The following LAPTM4B variants were observed in gnomAD, a reference collection of about 807,000 sequenced individuals.
LAPTM4B encodes the protein lysosomal protein transmembrane 4 beta.
In LAPTM4B, 26 loss-of-function variants were observed where a neutral mutation model predicts 28.5. The observed-to-expected ratio is 0.91, with a 90% CI of 0.67 to 1.27. LAPTM4B has a LOEUF of 1.27. Ranked by LOEUF, LAPTM4B falls within the 50% of genes most tolerant of loss-of-function variation. The probability of loss-of-function intolerance (pLI) is 0.00; values close to 1 mark genes in which losing one functional copy is unlikely to be tolerated. For synonymous variants in LAPTM4B, 109 were observed against 106.4 expected, an observed-to-expected ratio of 1.02 and a Z score of -0.15; for missense variants, 288 against 285.8, an observed-to-expected ratio of 1.01 and a Z score of -0.06.
intron 1 of LAPTM4B, among the ~76,000 whole-genome samples, chr8:97,776,994 G>T (rs1006282591): frequency 1.3e-5 from 2 of 152,072 alleles, no homozygotes; most frequent in African/African-American, 4.8e-5. Flanking sequence ...CACCAGCACT[G>T]AGTCGGATTC....
Position 97,825,163 on chromosome 8 carries a change from A to G in LAPTM4B, c.603+10A>G. The G allele has an allele frequency of 2.2e-6, 3 of 1,368,590 alleles. No homozygotes were observed. The highest frequency in any genetic ancestry group is 3.1e-6 in the Non-Finnish European group (3 of 959,258). 84.8% of individuals were successfully genotyped at this position (1,368,590 alleles called of 1,614,324 possible). A position where few individuals can be genotyped will look rare whatever the true frequency, so the allele number is the denominator to read the frequency against. ...CAGCAATGACACTACGGTAGGTATG[A>G]TGTCACTTATGGTAGAGATCTCGCC... On this transcript the variant is annotated intron_variant, in intron 6 of 6. Coordinates refer to ENST00000521545, the MANE Select transcript of LAPTM4B (RefSeq NM_018407.6).
At chr8:97,805,516 C>T (rs772643637) in intron 2 of LAPTM4B, 52 bp downstream of exon 2, 15 of 946,976 alleles carry the variant, frequency 1.6e-5, no homozygotes, top group Non-Finnish European at 2.4e-5. Context: ...TGACTGCCAG[C>T]ACTTCCTATT....
intron 5 of LAPTM4B, among the ~76,000 whole-genome samples, chr8:97,824,571 C>T (rs1233619297): frequency 1.3e-5 from 2 of 152,048 alleles, no homozygotes; most frequent in African/African-American, 4.8e-5. Context: ...ATTTTATTGA[C>T]TGTGAGATAA....
intron 6 of LAPTM4B, among the ~76,000 whole-genome samples, chr8:97,846,459 C>T (rs1210607145): frequency 1.3e-5 from 2 of 151,990 alleles, no homozygotes; most frequent in African/African-American, 4.8e-5. Context: ...TCCCGAGTAG[C>T]TGGGATTACA....
intron 6 of LAPTM4B, among the ~76,000 whole-genome samples, chr8:97,834,936 G>C (rs560155007): frequency 6.6e-6 from 1 of 152,304 alleles, no homozygotes; most frequent in South Asian, 2.1e-4. Context: ...GCAGGGCTCT[G>C]CATGTTTAAA....
chr8:97,830,579 A>G (rs938926517), intron 6 of LAPTM4B, among the ~76,000 whole-genome samples: 9 of 152,178 alleles, frequency 5.9e-5, no homozygotes, highest in Admixed American at 2.6e-4. Context: ...CAGGAATGCG[A>G]GTAAGTTGAA....
chr8:97,787,859 G>A (rs1454328339), intron 1 of LAPTM4B, among the ~76,000 whole-genome samples: 1 of 151,876 alleles, frequency 6.6e-6, no homozygotes, highest in Non-Finnish European at 1.5e-5. Flanking sequence ...TTTAGACAGA[G>A]TCTCACTTTG....
At chr8:97,792,750 G>A (rs1303935393) in intron 1 of LAPTM4B, among the ~76,000 whole-genome samples, 1 of 151,660 alleles carries the variant, frequency 6.6e-6, no homozygotes, top group Non-Finnish European at 1.5e-5. Flanking sequence ...TGGCTGTTTT[G>A]TATTTTTAGT....
chr8:97,794,115 G>A (rs911488835), intron 1 of LAPTM4B, among the ~76,000 whole-genome samples: 12 of 152,046 alleles, frequency 7.9e-5, no homozygotes, highest in African/African-American at 2.9e-4. Flanking sequence ...AAGTAGCTGG[G>A]ATTACCAGCA....
At chr8:97,780,183 C>T (rs1284594837) in intron 1 of LAPTM4B, among the ~76,000 whole-genome samples, 3 of 151,714 alleles carry the variant, frequency 2.0e-5, no homozygotes, top group African/African-American at 4.8e-5. Context: ...CCAGCACTTT[C>T]GGAGACTGAG....
chr8:97,849,474 T>C (rs934804476), intron 6 of LAPTM4B, among the ~76,000 whole-genome samples: 1 of 152,246 alleles, frequency 6.6e-6, no homozygotes, highest in Non-Finnish European at 1.5e-5. Flanking sequence ...GAGTGTATCT[T>C]GCCTACTCCA....
intron 2 of LAPTM4B, among the ~76,000 whole-genome samples, chr8:97,809,145 G>A (rs966239331): frequency 1.3e-5 from 2 of 152,132 alleles, no homozygotes; most frequent in African/African-American, 4.8e-5. Flanking sequence ...TATCATGTCA[G>A]ATAGTTATTA....
chr8:97,809,309 G>A (rs978007862), intron 2 of LAPTM4B, among the ~76,000 whole-genome samples: 18 of 152,120 alleles, frequency 1.2e-4, no homozygotes, highest in Admixed American at 9.2e-4. Context: ...TTAATCTGAG[G>A]GGAAAGAAAG....
rs188779339 is a variant in LAPTM4B, at chr8:97,839,181, A to C, written c.604-12216A>C. Among the ~76,000 whole-genome samples, 108 of 152,122 alleles carry C rather than the reference A, an allele frequency of 7.1e-4. 3 individuals are homozygous for C. Among genetic ancestry groups the C allele is most frequent in the Non-Finnish European group, 4.7e-4 (32 of 67,992 alleles). On this transcript the variant is annotated intron_variant, in intron 6 of 6. Coordinates refer to ENST00000521545, the MANE Select transcript of LAPTM4B (RefSeq NM_018407.6). Reference sequence around the variant, plus strand: ...TTTCCTTCTGCATAATATTCTTCCAACAATTTTTTTTGTTTTGTTTTGTTT... The same window carrying C: ...TTTCCTTCTGCATAATATTCTTCCACCAATTTTTTTTGTTTTGTTTTGTTT...
chr8:97,780,277 A>G (rs1035199871), intron 1 of LAPTM4B, among the ~76,000 whole-genome samples: 26 of 151,740 alleles, frequency 1.7e-4, no homozygotes, highest in African/African-American at 6.3e-4. Context: ...AATATAAAAA[A>G]TTAGTGGGGC....
At chr8:97,781,952 C>T (rs1816326714) in intron 1 of LAPTM4B, among the ~76,000 whole-genome samples, 1 of 149,960 alleles carries the variant, frequency 6.7e-6, no homozygotes, top group Non-Finnish European at 1.5e-5. Context: ...TAAAGCTGCA[C>T]TGAACATTCT....
At chr8:97,847,696 C>G (rs534879751) in intron 6 of LAPTM4B, among the ~76,000 whole-genome samples, 1 of 152,200 alleles carries the variant, frequency 6.6e-6, no homozygotes, top group East Asian at 1.9e-4. Context: ...CCTTCACCAA[C>G]CCTTCTAATA....
At chr8:97,825,334 T>G (rs938779850) in intron 6 of LAPTM4B, among the ~76,000 whole-genome samples, 181 bp downstream of exon 6, 2 of 152,232 alleles carry the variant, frequency 1.3e-5, no homozygotes, top group Admixed American at 1.3e-4. Context: ...GTTAAATGTA[T>G]TTTGTTTTTC....
chr8:97,814,875 A>G (rs1816881136), intron 2 of LAPTM4B, among the ~76,000 whole-genome samples: 1 of 152,044 alleles, frequency 6.6e-6, no homozygotes, highest in Admixed American at 6.6e-5. Context: ...TTGTATTTTT[A>G]GTACACATGG....
Sources: allele counts gnomAD v4.1 joint callset (sites outside exome capture counted in the v4.1 genomes callset), GRCh38; gene constraint gnomAD v4.1.1; transcripts MANE v1.5; gene names NCBI Gene and HGNC (gene_info 2026-07-23, HGNC 2026-07-21).